The following DSCAM variants were observed in gnomAD, a reference collection of about 807,000 sequenced individuals.
DSCAM encodes the protein cell adhesion molecule DSCAM.
In DSCAM, 47 loss-of-function variants were observed where a neutral mutation model predicts 217.7. The observed-to-expected ratio is 0.22, with a 90% CI of 0.17 to 0.28. DSCAM has a LOEUF of 0.28. DSCAM is among the 10% of genes least tolerant of loss of function. DSCAM has a pLI of 1.00. For synonymous variants in DSCAM, 1,056 were observed against 1,015.3 expected, an observed-to-expected ratio of 1.04 and a Z score of -0.76; for missense variants, 2,080 against 2,618.3, an observed-to-expected ratio of 0.79 and a Z score of 4.49.
intron 28 of DSCAM, among the ~76,000 whole-genome samples, chr21:40,061,176 C>G (rs1043837094): frequency 4.6e-5 from 7 of 152,174 alleles, no homozygotes; most frequent in African/African-American, 1.7e-4. Context: ...TACCTCCTCC[C>G]AACCTACCTT....
At chr21:40,552,582 A>C (rs1023691021) in intron 3 of DSCAM, among the ~76,000 whole-genome samples, 1 of 152,174 alleles carries the variant, frequency 6.6e-6, no homozygotes, top group Non-Finnish European at 1.5e-5. Flanking sequence ...TATCTTCTTC[A>C]CCAATCACCT....
At chr21:40,657,007 AAT>A (rs1163411954) in intron 3 of DSCAM, among the ~76,000 whole-genome samples, 4 of 152,232 alleles carry the variant, frequency 2.6e-5, no homozygotes, top group African/African-American at 9.6e-5. Context: ...GTCTATCAAA[AAT>A]ATTTTTTAAA....
At chr21:40,227,770 C>A (rs1356352231) in intron 11 of DSCAM, among the ~76,000 whole-genome samples, 3 of 152,196 alleles carry the variant, frequency 2.0e-5, no homozygotes, top group Non-Finnish European at 4.4e-5. Flanking sequence ...ATCTCCACAT[C>A]CAGTTCCTCC....
chr21:40,283,094 C>T (rs1244222638), intron 10 of DSCAM, among the ~76,000 whole-genome samples: 1 of 152,132 alleles, frequency 6.6e-6, no homozygotes, highest in Admixed American at 6.5e-5. Context: ...GACTACAGTT[C>T]CAAGGGCTAG....
At chr21:40,713,171 C>T (rs1228675493) in intron 1 of DSCAM, among the ~76,000 whole-genome samples, 1 of 152,184 alleles carries the variant, frequency 6.6e-6, no homozygotes, top group Non-Finnish European at 1.5e-5. Context: ...CTGACAGGTC[C>T]ACTACTGGGG....
At chr21:40,355,842 T>C (rs1476791987) in intron 4 of DSCAM, among the ~76,000 whole-genome samples, 1 of 152,232 alleles carries the variant, frequency 6.6e-6, no homozygotes, top group Non-Finnish European at 1.5e-5. Context: ...CCTGCTTCTC[T>C]GAGTTTGACT....
At chr21:40,699,487 A>G (rs967483760) in intron 2 of DSCAM, among the ~76,000 whole-genome samples, 3 of 152,270 alleles carry the variant, frequency 2.0e-5, no homozygotes, top group African/African-American at 7.2e-5. Flanking sequence ...ACAGGCTGAA[A>G]GCTAGGCCTT....
rs143255249 is a variant in DSCAM, at chr21:40,064,537, G to A, written c.4889-1638C>T. ...ACAGCAGACCTCTCTTGGCTGCCAC[G>A]TGCAGGCATCCTCCCCAAGGCTAAG... On this transcript the variant is annotated intron_variant, in intron 27 of 32. Transcript: ENST00000400454. Among the ~76,000 whole-genome samples, 43 of 152,186 alleles carry A rather than the reference G, an allele frequency of 2.8e-4. 2 individuals are homozygous for A. In the East Asian group the frequency reaches 5.8e-3, roughly 21 times the overall value.
rs193226623 is a variant in DSCAM, at chr21:40,359,644, G to A, written c.656-5901C>T. On this transcript the variant is annotated intron_variant, in intron 4 of 32. Coordinates refer to ENST00000400454, the MANE Select transcript of DSCAM (RefSeq NM_001389.5). Reference sequence around the variant, plus strand: ...GAGCAAATGCTCTCCAGCAACAAGAGAGAATGAATGACTAATACATGTAAC... The same window carrying A: ...GAGCAAATGCTCTCCAGCAACAAGAAAGAATGAATGACTAATACATGTAAC... 2.6e-5 allele frequency among the ~76,000 whole-genome samples: 4 copies of A among 152,324 alleles called. No homozygotes were observed. In the East Asian group the frequency reaches 7.7e-4, roughly 29 times the overall value.
chr21:40,648,853 T>A (rs1362862535), intron 3 of DSCAM, among the ~76,000 whole-genome samples: 1 of 152,108 alleles, frequency 6.6e-6, no homozygotes, highest in African/African-American at 2.4e-5. Flanking sequence ...TCTCTGCCCA[T>A]CCTCACCCTT....
intron 16 of DSCAM, among the ~76,000 whole-genome samples, chr21:40,145,597 C>T (rs1183619762): frequency 6.6e-6 from 1 of 152,124 alleles, no homozygotes; most frequent in Non-Finnish European, 1.5e-5. Flanking sequence ...GTAATCCCAC[C>T]ACTTTGGGAG....
intron 11 of DSCAM, among the ~76,000 whole-genome samples, chr21:40,215,972 G>A (rs2091239479): frequency 6.7e-6 from 1 of 150,206 alleles, no homozygotes; most frequent in African/African-American, 2.4e-5. Context: ...TGGTATTTGT[G>A]CTCAAGACTA....
At chr21:40,704,530 CAT>C (rs1279693418) in intron 2 of DSCAM, among the ~76,000 whole-genome samples, 1 of 151,990 alleles carries the variant, frequency 6.6e-6, no homozygotes, top group African/African-American at 2.4e-5. Flanking sequence ...GCCTGGGTAA[CAT>C]AGTGAGAATA....
intron 3 of DSCAM, among the ~76,000 whole-genome samples, chr21:40,568,863 C>T (rs988717428): frequency 2.6e-5 from 4 of 152,128 alleles, no homozygotes; most frequent in Non-Finnish European, 4.4e-5. Context: ...GGGGGTCCTC[C>T]TTTCTGTTAC....
intron 3 of DSCAM, among the ~76,000 whole-genome samples, chr21:40,563,332 C>G (rs933070972): frequency 3.3e-5 from 5 of 151,592 alleles, no homozygotes; most frequent in African/African-American, 1.2e-4. Flanking sequence ...CATAGAGAAG[C>G]AGCAGAAATA....
intron 3 of DSCAM, among the ~76,000 whole-genome samples, chr21:40,635,960 C>G (rs973882761): frequency 6.6e-6 from 1 of 152,106 alleles, no homozygotes; most frequent in Non-Finnish European, 1.5e-5. Context: ...ATGAAAAGCC[C>G]TATAGGACCC....
intron 19 of DSCAM, among the ~76,000 whole-genome samples, chr21:40,125,126 G>A (rs961893853): frequency 1.3e-5 from 2 of 152,124 alleles, no homozygotes; most frequent in African/African-American, 2.4e-5. Flanking sequence ...AAATATTGTT[G>A]ATGAATAGGG....
intron 8 of DSCAM, among the ~76,000 whole-genome samples, chr21:40,324,850 G>A (rs1205056366): frequency 6.6e-6 from 1 of 152,160 alleles, no homozygotes; most frequent in African/African-American, 2.4e-5. Context: ...TATTTAGTTA[G>A]AGAAAAGTGT....
intron 3 of DSCAM, among the ~76,000 whole-genome samples, chr21:40,644,200 G>T (rs1167448161): frequency 6.6e-6 from 1 of 152,180 alleles, no homozygotes; most frequent in Non-Finnish European, 1.5e-5. Context: ...TTTCTGAATG[G>T]ATGGGTTAAT....
Sources: gnomAD v4.1 joint callset for allele counts (sites outside exome capture counted in the v4.1 genomes callset) on GRCh38, gnomAD v4.1.1 for gene constraint, MANE v1.5 for transcripts, NCBI Gene and HGNC (gene_info 2026-07-23, HGNC 2026-07-21) for gene names.